The following UNC5A variants were observed in gnomAD, a reference collection of about 807,000 sequenced individuals.
UNC5A encodes the protein netrin receptor UNC5A.
UNC5A carries 20 observed loss-of-function variants against 87.4 expected under a neutral mutation model. That is an observed-to-expected ratio of 0.23 (90% CI 0.16 to 0.33). UNC5A has a LOEUF of 0.33. Ranked by LOEUF, UNC5A falls within the 10% of genes least tolerant of loss-of-function variation. The probability of loss-of-function intolerance (pLI) is 1.00; values close to 1 mark genes in which losing one functional copy is unlikely to be tolerated. For synonymous variants in UNC5A, 438 were observed against 482.3 expected (o/e 0.91, Z 1.20); for missense variants, 844 against 1,133.4 (o/e 0.74, Z 3.67).
chr5:176,850,172 G>A (rs1426858723), intron 1 of UNC5A, among the ~76,000 whole-genome samples: 1 of 152,216 alleles, frequency 6.6e-6, no homozygotes, highest in Non-Finnish European at 1.5e-5. Context: ...AGGGCTGAGT[G>A]CATTGGTAGT....
chr5:176,859,173 G>A (rs1278405509), intron 1 of UNC5A, among the ~76,000 whole-genome samples: 2 of 84,830 alleles, frequency 2.4e-5, no homozygotes, highest in African/African-American at 1.3e-4. Flanking sequence ...GTCCTTGCTA[G>A]AGGGCATGGC....
chr5:176,822,885 G>A (rs1756762428), intron 1 of UNC5A, among the ~76,000 whole-genome samples: 1 of 152,128 alleles, frequency 6.6e-6, no homozygotes, highest in Admixed American at 6.5e-5. Context: ...TGGAGCAGAC[G>A]GTGCCTGTGG....
chr5:176,836,183 G>A (rs1055832519), intron 1 of UNC5A, among the ~76,000 whole-genome samples: 1 of 152,208 alleles, frequency 6.6e-6, no homozygotes, highest in African/African-American at 2.4e-5. Context: ...CTGGGGGAAG[G>A]CAGCTTTCCT....
chr5:176,873,954 G>T lies in UNC5A; in HGVS notation c.887-14G>T. ...ACACCCCTGCCCCCACCAAGGCCATGCTGTCTCCCGCAGCTGCTTCTGGCC... is the reference window on the plus strand; with the variant it reads ...ACACCCCTGCCCCCACCAAGGCCATTCTGTCTCCCGCAGCTGCTTCTGGCC... On this transcript the variant is annotated splice_polypyrimidine_tract_variant and intron_variant, in intron 6 of 14. Transcript: ENST00000329542. 8 of 1,610,336 alleles carry T rather than the reference G, an allele frequency of 5.0e-6. No individual in the cohort carries two copies. The highest frequency in any genetic ancestry group is 4.2e-6 in the Non-Finnish European group (5 of 1,178,616).
At position 176,841,056 on chromosome 5, in the gene UNC5A, C is replaced by T. The variant is rs775560657; in HGVS notation, c.71-21568C>T. ...ACCACTCCGCGCTGAATGGAGGCAGCGTGACTTGGTCATGCATTGAAAGCT... is the reference window on the plus strand; with the variant it reads ...ACCACTCCGCGCTGAATGGAGGCAGTGTGACTTGGTCATGCATTGAAAGCT... On this transcript the variant is annotated intron_variant, in intron 1 of 14. Transcript: ENST00000329542. The surrounding 1 kb of genome is among the most constrained non-coding windows in gnomAD (Gnocchi z 4.1). 3.3e-5 allele frequency among the ~76,000 whole-genome samples: 5 copies of T among 152,312 alleles called. No homozygotes were observed. In the East Asian group the frequency reaches 7.7e-4, roughly 23 times the overall value.
At chr5:176,868,441 C>T (rs1284492199) in intron 3 of UNC5A, 120 bp from the exon 4 acceptor site, 1 of 1,424,974 alleles carries the variant, frequency 7.0e-7, no homozygotes, top group South Asian at 1.2e-5. Context: ...CCATGGCCCC[C>T]TGGCCACCTG....
At position 176,848,546 on chromosome 5, in the gene UNC5A, G is replaced by A. The variant is rs949354368; in HGVS notation, c.71-14078G>A. Among the ~76,000 whole-genome samples the A allele has an allele frequency of 2.0e-5, 3 of 152,180 alleles. No individual in the cohort carries two copies. The highest frequency in any genetic ancestry group is 4.8e-5 in the African/African-American group (2 of 41,444). Reference sequence around the variant, plus strand: ...TATTTGGACAGTGGGTAATTAAAACGGGGTGAGGGCTCATTCCTGTCTCAT... The same window carrying A: ...TATTTGGACAGTGGGTAATTAAAACAGGGTGAGGGCTCATTCCTGTCTCAT... On this transcript the variant is annotated intron_variant, in intron 1 of 14. Transcript: ENST00000329542. The surrounding 1 kb of genome is among the most constrained non-coding windows in gnomAD (Gnocchi z 5.8).
At chr5:176,843,876 G>A (rs1243902478) in intron 1 of UNC5A, among the ~76,000 whole-genome samples, 6 of 152,248 alleles carry the variant, frequency 3.9e-5, no homozygotes, top group East Asian at 1.9e-4. Context: ...TCTGACAGAC[G>A]TGCGGCGCGT....
chr5:176,822,406 C>T (rs1485002337), intron 1 of UNC5A, among the ~76,000 whole-genome samples: 2 of 151,658 alleles, frequency 1.3e-5, no homozygotes, highest in Non-Finnish European at 2.9e-5. Context: ...CAGCAGTGGG[C>T]GTCAAGGGCA....
chr5:176,845,621 G>C (rs921920170), intron 1 of UNC5A, among the ~76,000 whole-genome samples: 1 of 152,188 alleles, frequency 6.6e-6, no homozygotes, highest in Non-Finnish European at 1.5e-5. Flanking sequence ...TCTGTACTGC[G>C]GTGAGCCAGG....
intron 1 of UNC5A, among the ~76,000 whole-genome samples, chr5:176,818,810 C>G (rs997298664): frequency 6.6e-6 from 1 of 152,220 alleles, no homozygotes; most frequent in Non-Finnish European, 1.5e-5. Context: ...AGCCCATTCC[C>G]CATCCCCATG....
At chr5:176,870,287 C>A in intron 5 of UNC5A, 83 bp from the exon 6 acceptor site, 1 of 1,538,380 alleles carries the variant, frequency 6.5e-7, no homozygotes, top group Non-Finnish European at 8.8e-7. Flanking sequence ...GGTCTGGTTG[C>A]CCAGAGGGGC....
intron 1 of UNC5A, among the ~76,000 whole-genome samples, chr5:176,854,995 G>A (rs1047402697): frequency 6.6e-6 from 1 of 152,212 alleles, no homozygotes; most frequent in Non-Finnish European, 1.5e-5. Flanking sequence ...CAGATGGGCA[G>A]GTGGACCAAT....
chr5:176,827,548 C>T (rs1418708342), intron 1 of UNC5A, among the ~76,000 whole-genome samples: 1 of 152,182 alleles, frequency 6.6e-6, no homozygotes, highest in Non-Finnish European at 1.5e-5. Flanking sequence ...TTTATCCATT[C>T]ACCCATTGGT....
chr5:176,869,046 A>T lies in UNC5A; in HGVS notation c.721+82A>T, dbSNP rs1380042454. The T allele has an allele frequency of 1.4e-6, 2 of 1,436,278 alleles. No individual in the cohort carries two copies. The highest frequency in any genetic ancestry group is 1.9e-6 in the Non-Finnish European group (2 of 1,075,204). The allele number at this position is 1,436,278 out of a possible 1,614,324, so 89.0% of individuals were successfully genotyped here. A position where few individuals can be genotyped will look rare whatever the true frequency, so the allele number is the denominator to read the frequency against. Reference sequence around the variant, plus strand: ...GACATGTGGCTGGTGGGGTGAAGAGAGGCCATGAGGCCAAAGCCAGGTGGA... The same window carrying T: ...GACATGTGGCTGGTGGGGTGAAGAGTGGCCATGAGGCCAAAGCCAGGTGGA... On this transcript the variant is annotated intron_variant, in intron 5 of 14. Transcript: ENST00000329542. The surrounding 1 kb of genome is among the most constrained non-coding windows in gnomAD (Gnocchi z 9.1).
rs576248139 is a variant in UNC5A at position 176,855,064 on chromosome 5, A to G, written c.71-7560A>G. Among the ~76,000 whole-genome samples, 278 of 152,358 alleles carry G rather than the reference A, an allele frequency of 1.8e-3. 1 individual carries two copies. The highest frequency in any genetic ancestry group is 6.4e-3 in the African/African-American group (266 of 41,582). On this transcript the variant is annotated intron_variant, in intron 1 of 14. Transcript: ENST00000329542. ...GCCAAAAAAAGGAATGTACTGGCTCATGCTCTGGGAATCCAGAGCTAGCTG... is the reference window on the plus strand; with the variant it reads ...GCCAAAAAAAGGAATGTACTGGCTCGTGCTCTGGGAATCCAGAGCTAGCTG...
intron 1 of UNC5A, among the ~76,000 whole-genome samples, chr5:176,822,080 C>T (rs1478676061): frequency 6.6e-6 from 1 of 152,244 alleles, no homozygotes; most frequent in African/African-American, 2.4e-5. Context: ...CTCTCTGTGC[C>T]TCAGTTTGCT....
In UNC5A at chr5:176,810,964, G is replaced by T; in HGVS notation, c.70+144G>T. The T allele has an allele frequency of 1.6e-6, 1 of 639,428 alleles. No individual in the cohort carries two copies. The highest frequency in any genetic ancestry group is 2.1e-6 in the Non-Finnish European group (1 of 481,174). The allele number at this position is 639,428 out of a possible 1,614,324, so 39.6% of individuals were successfully genotyped here. A position where few individuals can be genotyped will look rare whatever the true frequency, so the allele number is the denominator to read the frequency against. Reference sequence around the variant, plus strand: ...AACTTTGCGAGGCGGGACGCGGGGGGCTCTTCTTGCTGCTGCGCAGCTTCC... The same window carrying T: ...AACTTTGCGAGGCGGGACGCGGGGGTCTCTTCTTGCTGCTGCGCAGCTTCC... On this transcript the variant is annotated intron_variant, in intron 1 of 14. Coordinates refer to ENST00000329542, the MANE Select transcript of UNC5A (RefSeq NM_133369.3). The surrounding 1 kb of genome is among the most constrained non-coding windows in gnomAD (Gnocchi z 7.3).
intron 1 of UNC5A, among the ~76,000 whole-genome samples, chr5:176,821,232 A>G (rs149192562): frequency 1.3e-3 from 203 of 152,252 alleles, no homozygotes; most frequent in African/African-American, 4.6e-3. Context: ...TCCTCCATCC[A>G]TGCCTCTCAC....
Sources: allele counts gnomAD v4.1 joint callset (sites outside exome capture counted in the v4.1 genomes callset), GRCh38; gene constraint gnomAD v4.1.1; non-coding constraint Gnocchi (gnomAD v3.1); transcripts MANE v1.5; gene names NCBI Gene and HGNC (gene_info 2026-07-23, HGNC 2026-07-21).